The following ZFYVE16 variants were observed in gnomAD, a reference collection of about 807,000 sequenced individuals.
The protein encoded by ZFYVE16 is zinc finger FYVE-type containing 16.
Under a neutral mutation model 138.1 loss-of-function variants are expected in ZFYVE16, and 89 were observed. The ratio of observed to expected loss-of-function variants is 0.64; its 90% confidence interval spans 0.54 to 0.77. ZFYVE16 has a LOEUF of 0.77. ZFYVE16 is among the 30% of genes least tolerant of loss of function. The probability of loss-of-function intolerance (pLI) is 0.00; values close to 1 mark genes in which losing one functional copy is unlikely to be tolerated. For missense variants in ZFYVE16, 1,793 were observed against 1,786.7 expected (o/e 1.00, Z -0.06); for synonymous variants, 596 against 618.3 (o/e 0.96, Z 0.53).
At chr5:80,428,161 A>G (rs1290886019) in intron 2 of ZFYVE16, among the ~76,000 whole-genome samples, 1 of 151,994 alleles carries the variant, frequency 6.6e-6, no homozygotes, top group Non-Finnish European at 1.5e-5. Context: ...CTGTCTCCTC[A>G]AGTGGGTCCC....
chr5:80,411,905 T>G (rs1015339972), intron 1 of ZFYVE16: 40 of 152,230 alleles, frequency 2.6e-4, no homozygotes, highest in African/African-American at 9.4e-4. Flanking sequence ...TAATCCAGCT[T>G]TCTCCCTTGC....
intron 2 of ZFYVE16, among the ~76,000 whole-genome samples, chr5:80,430,030 C>T (rs760032156): frequency 2.6e-5 from 4 of 152,122 alleles, no homozygotes; most frequent in South Asian, 2.1e-4. Flanking sequence ...GACAGATCCA[C>T]GAGACAGAAA....
chr5:80,446,638 T>TCCCAAA (rs1751386474), intron 7 of ZFYVE16, among the ~76,000 whole-genome samples: 1 of 152,184 alleles, frequency 6.6e-6, no homozygotes, highest in African/African-American at 2.4e-5. Flanking sequence ...CAGGGATCTC[T>TCCCAAA]GAACCACATT....
intron 1 of ZFYVE16, chr5:80,411,617 G>T (rs1745471156): frequency 6.6e-6 from 1 of 152,150 alleles, no homozygotes; most frequent in African/African-American, 2.4e-5. Flanking sequence ...GCAGGCTCTT[G>T]TCCTCTTCTA....
Position 80,437,670 on chromosome 5 carries a change from T to C in ZFYVE16, c.985T>C (p.Phe329Leu). The C allele has an allele frequency of 1.2e-6, 2 of 1,612,054 alleles. No individual in the cohort carries two copies. Among genetic ancestry groups the C allele is most frequent in the Non-Finnish European group, 1.7e-6 (2 of 1,179,374 alleles). Reference protein sequence around the residue: ...SRDENFKLPDFSFQEDKTVIK... With the variant: ...SRDENFKLPDLSFQEDKTVIK... ...AGATGAAAATTTCAAATTACCTGACTTTTCCTTTCAGGAAGATAAGACTGT... is the reference window on the plus strand; with the variant it reads ...AGATGAAAATTTCAAATTACCTGACCTTTCCTTTCAGGAAGATAAGACTGT... The change falls in exon 4 of 19, where the codon TTT (phenylalanine) becomes CTT (leucine). Residue 329 changes from phenylalanine to leucine, a missense_variant. Around this residue, in one of 2 missense-constraint regions of ZFYVE16, gnomAD observed 1,295 missense variants for 1,204.3 expected, o/e 1.08. Transcript: ENST00000505560.
chr5:80,463,349 T>G (rs994181073), intron 15 of ZFYVE16, among the ~76,000 whole-genome samples: 4 of 152,218 alleles, frequency 2.6e-5, no homozygotes, highest in African/African-American at 9.6e-5. Context: ...CCACCAAAGC[T>G]TGGGGCATGC....
In ZFYVE16 at chr5:80,448,015, A is replaced by G. The variant is rs202213917; in HGVS notation, c.2725-11A>G. 53 of 1,551,634 alleles carry G rather than the reference A, an allele frequency of 3.4e-5. No individual in the cohort carries two copies. Among genetic ancestry groups the G allele is most frequent in the South Asian group, 1.8e-4 (14 of 78,868 alleles). The stretch of plus-strand genomic sequence containing the variant: ...ACTGATTTGTTATTTTTTTTATTAC[A>G]TATTTTACAGACAGTAAACACAGTG... On this transcript the variant is annotated splice_polypyrimidine_tract_variant and intron_variant, in intron 7 of 18. Coordinates refer to ENST00000505560, the MANE Select transcript of ZFYVE16 (RefSeq NM_001284236.3).
At chr5:80,456,905 G>A in intron 13 of ZFYVE16, 40 bp from the exon 14 acceptor site, 1 of 1,568,728 alleles carries the variant, frequency 6.4e-7, no homozygotes. Flanking sequence ...AATATTAAAA[G>A]TGTTTCTAAA....
chr5:80,459,580 A>G (rs1012687250), intron 15 of ZFYVE16, 86 bp downstream of exon 15: 4 of 1,194,706 alleles, frequency 3.3e-6, no homozygotes, highest in Admixed American at 2.2e-5. Flanking sequence ...ACACAAGAAC[A>G]TATGTAAGTT....
At chr5:80,439,382 G>A (rs1348834484) in intron 4 of ZFYVE16, among the ~76,000 whole-genome samples, 3 of 152,190 alleles carry the variant, frequency 2.0e-5, no homozygotes, top group Admixed American at 2.0e-4. Context: ...TACAGCTAGT[G>A]TTGTGATCAA....
At chr5:80,443,334 A>G (rs1280151308) in intron 6 of ZFYVE16, 50 bp downstream of exon 6, 1 of 1,568,128 alleles carries the variant, frequency 6.4e-7, no homozygotes, top group Admixed American at 2.0e-5. Context: ...ATTGAAATAG[A>G]AATTCTCTAA....
At position 80,439,967 on chromosome 5, in the gene ZFYVE16, G is replaced by A. The variant is rs1255515635; in HGVS notation, c.2354G>A (p.Cys785Tyr). Residue 785 changes from cysteine (C) to tyrosine (Y), a missense_variant, in exon 5 of 19, where the codon TGT becomes TAT. By Grantham distance (194) the Cys-to-Tyr change is radical. Coordinates refer to ENST00000505560, the MANE Select transcript of ZFYVE16 (RefSeq NM_001284236.3). ...TGTGGTGTCTGTTGTAATAGGAAGT[G>A]TAAACTGCAATATCTAGAAAAGGAA... is the stretch of plus-strand genomic sequence containing the variant. ...VFCGVCCNRK[C>Y]KLQYLEKEAR... 5.6e-6 allele frequency: 9 copies of A among 1,610,660 alleles called. No homozygotes were observed. Among genetic ancestry groups the A allele is most frequent in the African/African-American group, 1.3e-5 (1 of 74,792 alleles).
At chr5:80,413,426 G>A (rs187167102) in intron 1 of ZFYVE16, among the ~76,000 whole-genome samples, 1 of 147,614 alleles carries the variant, frequency 6.8e-6, no homozygotes, top group East Asian at 2.0e-4. Flanking sequence ...AGCTGAGATC[G>A]CGATATTGCA....
At chr5:80,477,157 A>G (rs1416040749) in intron 18 of ZFYVE16, 62 bp from the exon 19 acceptor site, 2 of 1,329,584 alleles carry the variant, frequency 1.5e-6, no homozygotes, top group Non-Finnish European at 2.0e-6. Context: ...CTTATTTTAT[A>G]TTCACATTCC....
At chr5:80,470,099 G>GTGTGTGTGTGTGTATATA (rs1327173079) in intron 15 of ZFYVE16, among the ~76,000 whole-genome samples, 4 of 121,184 alleles carry the variant, frequency 3.3e-5, no homozygotes, top group African/African-American at 1.4e-4. Flanking sequence ...GTGTGTGTGT[G>GTGTGTGTGTGTGTATATA]TATTTTTTTT....
rs776078789 is a variant in ZFYVE16 at position 80,437,639 on chromosome 5, T to G, written c.954T>G (p.Asn318Lys). Residue 318 changes from asparagine (N) to lysine (K), a missense_variant, in exon 4 of 19, where the codon AAT becomes AAG. Physicochemically the swap from Asn to Lys is moderately conservative, Grantham distance 94. This residue lies in a region of ZFYVE16 where 1,295 missense variants were observed against 1,204.3 expected (regional missense o/e 1.08). Transcript: ENST00000505560. The stretch of plus-strand genomic sequence containing the variant: ...AAGATTTATGCTTAAATGATTCAAA[T>G]TCAAGAGATGAAAATTTCAAATTAC... Reference protein sequence around the residue: ...KNEDLCLNDSNSRDENFKLPD... With the variant: ...KNEDLCLNDSKSRDENFKLPD... 1.2e-6 allele frequency: 2 copies of G among 1,612,004 alleles called. No homozygotes were observed. The highest frequency in any genetic ancestry group is 1.7e-6 in the Non-Finnish European group (2 of 1,179,308).
intron 1 of ZFYVE16, among the ~76,000 whole-genome samples, chr5:80,421,122 C>G (rs569289584): frequency 1.3e-5 from 2 of 152,230 alleles, no homozygotes; most frequent in South Asian, 2.1e-4. Context: ...TCATATCCTT[C>G]GCCCACTTTT....
chr5:80,470,022 CAT>C (rs1325749732), intron 15 of ZFYVE16, among the ~76,000 whole-genome samples: 4 of 141,222 alleles, frequency 2.8e-5, no homozygotes, highest in Non-Finnish European at 6.1e-5. Context: ...TACATATATA[CAT>C]ATATATGTGT....
intron 7 of ZFYVE16, 67 bp downstream of exon 7, chr5:80,445,472 G>T: frequency 4.5e-6 from 6 of 1,334,294 alleles, no homozygotes; most frequent in East Asian, 2.5e-5. Context: ...TTCCTGGTGT[G>T]ATTATTAGAG....
Sources: allele counts gnomAD v4.1 joint callset (sites outside exome capture counted in the v4.1 genomes callset), GRCh38; gene constraint gnomAD v4.1.1; regional missense constraint gnomAD v4.1.1; transcripts MANE v1.5; gene names NCBI Gene and HGNC (gene_info 2026-07-23, HGNC 2026-07-21).